WDR27: variants seen among roughly 807,000 people sequenced by gnomAD.
WDR27 encodes the protein WD repeat-containing protein 27.
In WDR27, 100 loss-of-function variants were observed where a neutral mutation model predicts 114.4. The ratio of observed to expected loss-of-function variants is 0.87; its 90% CI spans 0.74 to 1.03. The LOEUF (loss-of-function observed/expected upper bound fraction) is 1.03. Ranked by LOEUF, WDR27 falls within the 50% of genes least tolerant of loss-of-function variation. The probability of loss-of-function intolerance (pLI) is 0.00; values close to 1 mark genes in which losing one functional copy is unlikely to be tolerated. For missense variants in WDR27, 1,129 were observed against 1,092.9 expected (o/e 1.03, Z -0.47); for synonymous variants, 449 against 423.1 (o/e 1.06, Z -0.75).
intron 25 of WDR27, among the ~76,000 whole-genome samples, chr6:169,541,359 T>C (rs1584083828): frequency 1.3e-5 from 2 of 152,332 alleles, no homozygotes; most frequent in East Asian, 3.9e-4. Context: ...CGATCTACTC[T>C]GAGCTGTGTA....
chr6:169,695,558 T>G (rs1263345044), intron 1 of WDR27, among the ~76,000 whole-genome samples: 2 of 152,208 alleles, frequency 1.3e-5, no homozygotes, highest in African/African-American at 4.8e-5. Flanking sequence ...CTCTCATTTC[T>G]AAATGATTAC....
At chr6:169,595,554 C>T (rs1806617543) in intron 23 of WDR27, among the ~76,000 whole-genome samples, 1 of 152,162 alleles carries the variant, frequency 6.6e-6, no homozygotes, top group African/African-American at 2.4e-5. Context: ...TTCAACTGAT[C>T]TCTTCTTATT....
the WDR27 span, among the ~76,000 whole-genome samples, chr6:169,451,964 T>C: frequency 1.3e-5 from 2 of 152,238 alleles, no homozygotes; most frequent in Non-Finnish European, 2.9e-5. Context: ...TTCTGTGGTC[T>C]ACTTATTGTT....
At chr6:169,500,297 A>G (rs1790992058) in intron 25 of WDR27, among the ~76,000 whole-genome samples, 1 of 152,124 alleles carries the variant, frequency 6.6e-6, no homozygotes, top group African/African-American at 2.4e-5. Flanking sequence ...GTTGACTAAA[A>G]TTGAGCTTGC....
At chr6:169,501,560 G>A (rs1331451121) in intron 25 of WDR27, among the ~76,000 whole-genome samples, 3 of 152,234 alleles carry the variant, frequency 2.0e-5, no homozygotes, top group Admixed American at 6.5e-5. Flanking sequence ...AGGAAAAGAT[G>A]CAGTGAACTT....
At chr6:169,555,534 G>C in intron 25 of WDR27, among the ~76,000 whole-genome samples, 1 of 152,086 alleles carries the variant, frequency 6.6e-6, no homozygotes, top group Admixed American at 6.5e-5. Context: ...AAAATTCTTA[G>C]GGGAAAAATA....
intron 1 of WDR27, among the ~76,000 whole-genome samples, chr6:169,694,680 G>A (rs557539070): frequency 6.6e-6 from 1 of 152,348 alleles, no homozygotes; most frequent in South Asian, 2.1e-4. Context: ...TATAGCACAT[G>A]ACTGGCTACA....
intron 25 of WDR27, among the ~76,000 whole-genome samples, chr6:169,466,766 C>T (rs1785643367): frequency 6.6e-6 from 1 of 152,158 alleles, no homozygotes; most frequent in Admixed American, 6.6e-5. Context: ...CCAAATTATT[C>T]TGCCCCGGCT....
At chr6:169,582,210 G>T (rs1009712313) in intron 24 of WDR27, among the ~76,000 whole-genome samples, 6 of 152,102 alleles carry the variant, frequency 3.9e-5, no homozygotes, top group Admixed American at 2.6e-4. Context: ...CCTGACCTCA[G>T]GTGATTCACC....
chr6:169,434,818 C>T, the WDR27 span, among the ~76,000 whole-genome samples: 1 of 152,240 alleles, frequency 6.6e-6, no homozygotes, highest in East Asian at 1.9e-4. Context: ...AGAAAACACA[C>T]TTTCTGGGAG....
intron 25 of WDR27, among the ~76,000 whole-genome samples, chr6:169,485,105 G>A (rs1788709587): frequency 6.6e-6 from 1 of 152,124 alleles, no homozygotes; most frequent in Admixed American, 6.5e-5. Context: ...CTGGACATAA[G>A]AACAGGCAAA....
At chr6:169,574,261 T>C (rs1801901056) in intron 24 of WDR27, among the ~76,000 whole-genome samples, 1 of 152,264 alleles carries the variant, frequency 6.6e-6, no homozygotes, top group Non-Finnish European at 1.5e-5. Flanking sequence ...AGAATAATTT[T>C]GTAAGTACAA....
intron 25 of WDR27, among the ~76,000 whole-genome samples, chr6:169,551,492 T>C (rs1235783504): frequency 1.3e-5 from 2 of 152,066 alleles, no homozygotes; most frequent in African/African-American, 2.4e-5. Context: ...TCCAGTACTT[T>C]AGGAGGCCAA....
intron 21 of WDR27, among the ~76,000 whole-genome samples, chr6:169,631,678 C>T (rs900855199): frequency 1.3e-5 from 2 of 152,212 alleles, no homozygotes; most frequent in African/African-American, 4.8e-5. Context: ...CACGGAGCCT[C>T]TGAATCCCGG....
At chr6:169,627,684 T>C (rs1367171914) in intron 21 of WDR27, among the ~76,000 whole-genome samples, 1 of 152,126 alleles carries the variant, frequency 6.6e-6, no homozygotes, top group Non-Finnish European at 1.5e-5. Flanking sequence ...TGGGGTGTGA[T>C]GTGAAGTGTC....
chr6:169,667,325 A>G (rs1828135951), intron 5 of WDR27, 138 bp from the exon 6 acceptor site: 2 of 1,239,050 alleles, frequency 1.6e-6, no homozygotes, highest in Non-Finnish European at 2.0e-6. Context: ...AAATGAGCAC[A>G]AAAATAATAA....
chr6:169,660,762 A>G lies in WDR27; in HGVS notation c.1030T>C (p.Ser344Pro). ...LIPNSACGCLSSENTRCVWIG... is the reference protein window; with the variant it reads ...LIPNSACGCLPSENTRCVWIG... ...CACACACATCGGGTGTTCTCAGAAG[A>G]AAGACTGATTTAAGGAAAAAAAGAA... Residue 344 changes from serine (S) to proline (P), a missense_variant, in exon 10 of 26, where the codon TCT (serine) becomes CCT (proline). Physicochemically the swap from Ser to Pro is moderately conservative, Grantham distance 74. Transcript: ENST00000448612. The G allele has an allele frequency of 6.2e-7, 1 of 1,613,338 alleles. No homozygotes were observed.
At chr6:169,623,828 C>T (rs755349477) in intron 21 of WDR27, among the ~76,000 whole-genome samples, 14 of 152,330 alleles carry the variant, frequency 9.2e-5, no homozygotes, top group Non-Finnish European at 2.1e-4. Flanking sequence ...CCAACGGCTA[C>T]TCAGTGCCAG....
At chr6:169,689,047 G>C in intron 1 of WDR27, 35 bp from the exon 2 acceptor site, 1 of 1,487,870 alleles carries the variant, frequency 6.7e-7, no homozygotes, top group Non-Finnish European at 9.1e-7. Context: ...ATGACTATAG[G>C]TATCATATTT....
Sources: gnomAD v4.1 joint callset for allele counts (sites outside exome capture counted in the v4.1 genomes callset) on GRCh38, gnomAD v4.1.1 for gene constraint, MANE v1.5 for transcripts, NCBI Gene and HGNC (gene_info 2026-07-23, HGNC 2026-07-21) for gene names.